The following DBNDD1 variants were observed in gnomAD, a reference collection of about 807,000 sequenced individuals.
DBNDD1 encodes the protein dysbindin domain-containing protein 1.
In DBNDD1, 14 loss-of-function variants were observed where a neutral mutation model predicts 17.0. The ratio of observed to expected loss-of-function variants is 0.82; its 90% CI spans 0.54 to 1.29. The LOEUF is 1.29. DBNDD1 is among the 50% of genes most tolerant of loss of function. DBNDD1 has a pLI of 0.00. For missense variants in DBNDD1, 221 were observed against 216.2 expected, an observed-to-expected ratio of 1.02 and a Z score of -0.14; for synonymous variants, 105 against 102.0, an observed-to-expected ratio of 1.03 and a Z score of -0.18.
At chr16:90,010,367 C>CT (rs34659525) in intron 1 of DBNDD1, among the ~76,000 whole-genome samples, 322 of 123,812 alleles carry the variant, frequency 2.6e-3, no homozygotes, top group East Asian at 6.0e-3. Context: ...ACGTAACTAC[C>CT]TTTTTTTTTT....
At chr16:90,010,154 T>C in intron 1 of DBNDD1, 1 of 978,628 alleles carries the variant, frequency 1.0e-6, no homozygotes, top group Non-Finnish European at 1.6e-6. Context: ...TGAGCGATTC[T>C]CCTGCCTCAT....
intron 1 of DBNDD1, chr16:90,009,773 G>C: frequency 1.5e-6 from 1 of 686,366 alleles, no homozygotes; most frequent in Non-Finnish European, 2.4e-6. Context: ...TGCCGTCCTG[G>C]CCTCTGATTT....
chr16:90,010,036 G>A (rs757992154), intron 1 of DBNDD1: 10 of 1,614,044 alleles, frequency 6.2e-6, no homozygotes, highest in Non-Finnish European at 8.5e-6. Flanking sequence ...TATTCTTCCA[G>A]GTTTCTCCCA....
At chr16:90,018,455 C>T (rs2151266813) in intron 1 of DBNDD1, among the ~76,000 whole-genome samples, 1 of 152,330 alleles carries the variant, frequency 6.6e-6, no homozygotes, top group African/African-American at 2.4e-5. Context: ...GGCAGGCTGG[C>T]CTGCCTGTGC....
At chr16:90,008,007 C>A (rs1443824029) in intron 3 of DBNDD1, among the ~76,000 whole-genome samples, 2 of 142,524 alleles carry the variant, frequency 1.4e-5, no homozygotes, top group Admixed American at 1.4e-4. Flanking sequence ...AGGGGCCTCA[C>A]CCCCCAAACA....
At position 90,006,146 on chromosome 16, in the gene DBNDD1, G is replaced by A. The variant is rs2035418553; in HGVS notation, c.*189C>T. 2.8e-5 allele frequency: 24 copies of A among 856,526 alleles called. No individual in the cohort carries two copies. The highest frequency in any genetic ancestry group is 3.8e-5 in the Non-Finnish European group (22 of 581,508). 53.1% of individuals were successfully genotyped at this position (856,526 alleles called of 1,614,324 possible). A position where few individuals can be genotyped will look rare whatever the true frequency, so the allele number is the denominator to read the frequency against. ...GAAAGCCGGCTGGTCTCCAAGTGAGGCGAAGACCCGTGCCCAGCAGACAAG... is the reference window on the plus strand; with the variant it reads ...GAAAGCCGGCTGGTCTCCAAGTGAGACGAAGACCCGTGCCCAGCAGACAAG... On this transcript the variant is annotated 3_prime_UTR_variant, in exon 4 of 4. Coordinates refer to ENST00000002501, the MANE Select transcript of DBNDD1 (RefSeq NM_001042610.3).
chr16:90,011,321 G>A (rs1169464666), intron 1 of DBNDD1, among the ~76,000 whole-genome samples: 10 of 152,334 alleles, frequency 6.6e-5, no homozygotes. Context: ...TGCCAGGTGG[G>A]CCTGGAGCGT....
In DBNDD1 at chr16:90,008,817, C is replaced by G. The variant is rs760327854; in HGVS notation, c.286G>C (p.Asp96His). 6 of 1,603,658 alleles carry G rather than the reference C, an allele frequency of 3.7e-6. No individual in the cohort carries two copies. Among genetic ancestry groups the G allele is most frequent in the Non-Finnish European group, 5.1e-6 (6 of 1,172,902 alleles). The change falls in exon 3 of 4, where the codon GAC becomes CAC. Residue 96 changes from aspartate to histidine, a missense_variant. Transcript: ENST00000002501. ...GACTCGGTGTTGAGGTTCTCGTCGT[C>G]CGAGTCAGCAAAGACCTCGGCCAGC... Reference protein sequence around the residue: ...QELAEVFADSDDENLNTESPA... With the variant: ...QELAEVFADSHDENLNTESPA...
At chr16:90,009,180 A>T in intron 2 of DBNDD1, 104 bp downstream of exon 2, 1 of 1,501,514 alleles carries the variant, frequency 6.7e-7, no homozygotes, top group Non-Finnish European at 8.9e-7. Flanking sequence ...CCGGACCTAG[A>T]CCCCCCAGGG....
At chr16:90,011,736 C>A (rs900168610) in intron 1 of DBNDD1, 3 of 448,292 alleles carry the variant, frequency 6.7e-6, no homozygotes, top group Admixed American at 2.4e-5. Context: ...GGTCAAGTTA[C>A]TGGTGTCCTG....
At chr16:90,013,001 C>G (rs1234885758) in intron 1 of DBNDD1, among the ~76,000 whole-genome samples, 5 of 151,920 alleles carry the variant, frequency 3.3e-5, no homozygotes, top group African/African-American at 7.3e-5. Flanking sequence ...CCTCCCACCC[C>G]CTCCTCTCTG....
chr16:90,009,717 A>G (rs1403187125), intron 1 of DBNDD1: 1 of 625,424 alleles, frequency 1.6e-6, no homozygotes, highest in Non-Finnish European at 2.8e-6. Context: ...AAAGCCGACC[A>G]TGCAGGCGTG....
chr16:90,015,358 G>A (rs941075737), intron 1 of DBNDD1, among the ~76,000 whole-genome samples: 16 of 152,204 alleles, frequency 1.1e-4, no homozygotes, highest in African/African-American at 2.9e-4. Flanking sequence ...AGGCATGCTC[G>A]TGGGTCCTCA....
chr16:90,005,821 T>C lies in DBNDD1; in HGVS notation c.*514A>G, dbSNP rs903593077. 4.5e-5 allele frequency: 7 copies of C among 155,990 alleles called. No homozygotes were observed. Among genetic ancestry groups the C allele is most frequent in the African/African-American group, 1.7e-4 (7 of 41,530 alleles). 9.7% of individuals were successfully genotyped at this position (155,990 alleles called of 1,614,324 possible). On this transcript the variant is annotated 3_prime_UTR_variant, in exon 4 of 4. Coordinates refer to ENST00000002501, the MANE Select transcript of DBNDD1 (RefSeq NM_001042610.3). ...GGCCGCTTCTCCATGTGTGCTTTGC[T>C]GGACAGCACATTGTCCCATTAGCCA...
In DBNDD1 at chr16:90,018,462, G is replaced by T. The variant is rs192015579; in HGVS notation, c.31+849C>A. ...TCCAGAGCGGCAGGCTGGCCTGCCTGTGCCCTCAGGCACCTGCTGGCTCCC... is the reference window on the plus strand; with the variant it reads ...TCCAGAGCGGCAGGCTGGCCTGCCTTTGCCCTCAGGCACCTGCTGGCTCCC... On this transcript the variant is annotated intron_variant, in intron 1 of 3. Coordinates refer to ENST00000002501, the MANE Select transcript of DBNDD1 (RefSeq NM_001042610.3). Among the ~76,000 whole-genome samples the T allele has an allele frequency of 2.0e-5, 3 of 152,332 alleles. No homozygotes were observed. The East Asian group carries it at 5.8e-4, about 29-fold the overall frequency.
chr16:90,017,267 G>A (rs1457566730), intron 1 of DBNDD1, among the ~76,000 whole-genome samples: 5 of 152,218 alleles, frequency 3.3e-5, no homozygotes, highest in African/African-American at 1.2e-4. Context: ...AGGCCGAGGC[G>A]GGTGGGTCAT....
chr16:90,012,465 T>TC (rs1491361013), intron 1 of DBNDD1, among the ~76,000 whole-genome samples: 3 of 133,538 alleles, frequency 2.2e-5, no homozygotes, highest in African/African-American at 3.3e-5. Context: ...CTCCTCTCTC[T>TC]TTTTTTTTTT....
intron 1 of DBNDD1, among the ~76,000 whole-genome samples, chr16:90,015,790 T>C (rs1291071084): frequency 2.0e-5 from 3 of 151,490 alleles, no homozygotes; most frequent in Non-Finnish European, 2.9e-5. Context: ...TCCTAGGAAA[T>C]GTCCAGAATA....
chr16:90,013,377 G>A (rs568672150), intron 1 of DBNDD1, among the ~76,000 whole-genome samples: 74 of 151,534 alleles, frequency 4.9e-4, no homozygotes, highest in Non-Finnish European at 9.3e-4. Flanking sequence ...GCTACATGGG[G>A]AAGACTCTGA....
Sources: allele counts gnomAD v4.1 joint callset (sites outside exome capture counted in the v4.1 genomes callset), GRCh38; gene constraint gnomAD v4.1.1; transcripts MANE v1.5; gene names NCBI Gene and HGNC (gene_info 2026-07-23, HGNC 2026-07-21).